Variants in ESF1 observed in about 807,000 individuals in gnomAD.
ESF1 encodes ESF1 homolog.
A neutral mutation model predicts 92.0 loss-of-function variants in ESF1; 58 were observed. That is an observed-to-expected ratio of 0.63 (90% CI 0.51 to 0.78). The LOEUF is 0.78. ESF1 is among the 30% of genes least tolerant of loss of function. The probability of loss-of-function intolerance (pLI) is 0.00; values close to 1 mark genes in which losing one functional copy is unlikely to be tolerated. For missense variants in ESF1, 922 were observed against 989.1 expected, an observed-to-expected ratio of 0.93 and a Z score of 0.91; for synonymous variants, 321 against 313.7, an observed-to-expected ratio of 1.02 and a Z score of -0.24.
chr20:13,775,172 T>G lies in ESF1; in HGVS notation c.1134A>C (p.Val378=). Residue 378 remains valine, a synonymous_variant, in exon 4 of 14, where the codon GTA becomes GTC. Coordinates refer to ENST00000617257, the MANE Select transcript of ESF1 (RefSeq NM_001276380.2). ...CAATTCTCACCTTGACGGAAAATAT[T>G]ACACCTCCTTTGGGTTTAAATGAAT... ...LFNSFKPKGG[V]IFSVKIYPSE... is the part of the protein sequence containing the mutation. 11 of 1,598,932 alleles carry G rather than the reference T, an allele frequency of 6.9e-6. No homozygotes were observed. The highest frequency in any genetic ancestry group is 9.4e-6 in the Non-Finnish European group (11 of 1,173,978).
chr20:13,776,532 C>G (rs1979950821), intron 2 of ESF1, among the ~76,000 whole-genome samples: 1 of 152,112 alleles, frequency 6.6e-6, no homozygotes. Flanking sequence ...GCAAGTAGAT[C>G]CAGACATTCA....
intron 9 of ESF1, among the ~76,000 whole-genome samples, chr20:13,740,514 G>C (rs1252309704): frequency 6.6e-6 from 1 of 152,164 alleles, no homozygotes; most frequent in Non-Finnish European, 1.5e-5. Context: ...TGAGTTATCA[G>C]ATTCAGAGTT....
chr20:13,737,396 C>G (rs2049981765), intron 9 of ESF1, among the ~76,000 whole-genome samples: 1 of 152,200 alleles, frequency 6.6e-6, no homozygotes, highest in Non-Finnish European at 1.5e-5. Flanking sequence ...AGTATACATT[C>G]TGCCTACCTT....
At chr20:13,744,054 G>T (rs2050032213) in intron 9 of ESF1, among the ~76,000 whole-genome samples, 2 of 152,156 alleles carry the variant, frequency 1.3e-5, no homozygotes, top group Admixed American at 1.3e-4. Context: ...CGTAGTGGGT[G>T]GTGGGTTCAC....
chr20:13,781,292 G>A (rs1008951214), intron 2 of ESF1, among the ~76,000 whole-genome samples: 1 of 152,126 alleles, frequency 6.6e-6, no homozygotes, highest in Admixed American at 6.5e-5. Context: ...AGTATGAAAT[G>A]AGTAGAAAAT....
At chr20:13,738,321 T>TG (rs1437693416) in intron 9 of ESF1, among the ~76,000 whole-genome samples, 3 of 151,240 alleles carry the variant, frequency 2.0e-5, no homozygotes, top group Non-Finnish European at 4.4e-5. Context: ...CCTAAACTTT[T>TG]TTTTTTTTTT....
In ESF1 at chr20:13,776,049, C is replaced by G; in HGVS notation, c.859G>C (p.Asp287His). 1 of 1,613,352 alleles carries G rather than the reference C, an allele frequency of 6.2e-7. No individual in the cohort carries two copies. The highest frequency in any genetic ancestry group is 2.2e-5 in the East Asian group (1 of 44,836). Residue 287 changes from aspartate to histidine, a missense_variant, in exon 3 of 14, where the codon GAT becomes CAT. By Grantham distance (81) the Asp-to-His change is moderately conservative. Coordinates refer to ENST00000617257, the MANE Select transcript of ESF1 (RefSeq NM_001276380.2). ...EEDEDEEEDEDEDSEDDDKSD... is the reference protein window; with the variant it reads ...EEDEDEEEDEHEDSEDDDKSD... Reference sequence around the variant, plus strand: ...TTATCATCATCCTCACTATCCTCATCTTCATCCTCCTCTTCATCTTCATCC... The same window carrying G: ...TTATCATCATCCTCACTATCCTCATGTTCATCCTCCTCTTCATCTTCATCC...
rs2049811297 is a variant in ESF1, at chr20:13,714,807, T to G, written c.*67A>C. Reference sequence around the variant, plus strand: ...AAGATAGCTTTGTTCCCAATAAATATTCCCTCCTATTATTTTTGTACATTT... The same window carrying G: ...AAGATAGCTTTGTTCCCAATAAATAGTCCCTCCTATTATTTTTGTACATTT... On this transcript the variant is annotated 3_prime_UTR_variant, in exon 14 of 14. Coordinates refer to ENST00000617257, the MANE Select transcript of ESF1 (RefSeq NM_001276380.2). The G allele has an allele frequency of 1.6e-6, 2 of 1,268,462 alleles. No homozygotes were observed. The highest frequency in any genetic ancestry group is 1.5e-5 in the African/African-American group (1 of 66,584). 78.6% of individuals were successfully genotyped at this position (1,268,462 alleles called of 1,614,324 possible).
At chr20:13,748,609 A>C (rs1252461289) in intron 9 of ESF1, among the ~76,000 whole-genome samples, 1 of 127,424 alleles carries the variant, frequency 7.8e-6, no homozygotes, top group East Asian at 2.1e-4. Context: ...TTTTTTTGAG[A>C]TGGAGTGTTG....
At chr20:13,779,539 T>TGG in intron 2 of ESF1, among the ~76,000 whole-genome samples, 1 of 152,254 alleles carries the variant, frequency 6.6e-6, no homozygotes, top group Admixed American at 6.5e-5. Context: ...TTTTAATTTC[T>TGG]ATTTTCATTT....
At chr20:13,737,455 C>T (rs1403504201) in intron 9 of ESF1, among the ~76,000 whole-genome samples, 1 of 152,160 alleles carries the variant, frequency 6.6e-6, no homozygotes, top group African/African-American at 2.4e-5. Flanking sequence ...AGATGAACAA[C>T]TTAAAATAAC....
chr20:13,760,528 C>T (rs534396115), intron 8 of ESF1, among the ~76,000 whole-genome samples: 1 of 151,466 alleles, frequency 6.6e-6, no homozygotes, highest in Non-Finnish European at 1.5e-5. Context: ...GCAGCCACCC[C>T]GTCTGAGAAG....
chr20:13,714,936 T>C lies in ESF1; in HGVS notation c.2494A>G (p.Ile832Val), dbSNP rs762408848. 1.9e-6 allele frequency: 3 copies of C among 1,613,766 alleles called. No homozygotes were observed. The highest frequency in any genetic ancestry group is 2.2e-5 in the South Asian group (2 of 91,002). The change falls in exon 14 of 14, where the codon ATT becomes GTT. Residue 832 changes from isoleucine to valine, a missense_variant. Coordinates refer to ENST00000617257, the MANE Select transcript of ESF1 (RefSeq NM_001276380.2). ...TCTGTTTTGGTTTTTATAGATTTAATCAACATTGACAAAGCAGGATCAATG... is the reference window on the plus strand; with the variant it reads ...TCTGTTTTGGTTTTTATAGATTTAACCAACATTGACAAAGCAGGATCAATG... Reference protein sequence around the residue: ...KSIDPALSMLIKSIKTKTEQF... With the variant: ...KSIDPALSMLVKSIKTKTEQF...
chr20:13,778,070 A>G (rs1980022491), intron 2 of ESF1, among the ~76,000 whole-genome samples: 1 of 152,180 alleles, frequency 6.6e-6, no homozygotes, highest in Admixed American at 6.5e-5. Context: ...TATGTTCTCA[A>G]TCACCATACA....
chr20:13,761,001 T>C (rs1979169536), intron 8 of ESF1, among the ~76,000 whole-genome samples: 2 of 152,134 alleles, frequency 1.3e-5, no homozygotes, highest in Non-Finnish European at 2.9e-5. Flanking sequence ...TAGAAAGAAG[T>C]AGACATGGGA....
Position 13,769,943 on chromosome 20 carries a change from T to C in ESF1, c.1482A>G (p.Pro494=). 1 of 1,611,958 alleles carries C rather than the reference T, an allele frequency of 6.2e-7. No homozygotes were observed. The highest frequency in any genetic ancestry group is 8.5e-7 in the Non-Finnish European group (1 of 1,179,342). The change falls in exon 7 of 14, where the codon CCA becomes CCG. Residue 494 remains proline, a synonymous_variant. Coordinates refer to ENST00000617257, the MANE Select transcript of ESF1 (RefSeq NM_001276380.2). The stretch of plus-strand genomic sequence containing the variant: ...CCATTGCAGCAGAAGTGAAATATTT[T>C]GGTTTATATGCTGTTAAATTCACTT... ...ASEVNLTAYK[P]KYFTSAAMGT...
intron 5 of ESF1, 111 bp from the exon 6 acceptor site, chr20:13,771,594 C>A: frequency 1.2e-6 from 1 of 804,044 alleles, no homozygotes; most frequent in Non-Finnish European, 2.0e-6. Flanking sequence ...GGCCTTCATA[C>A]CAAACCATCT....
At chr20:13,716,792 C>A (rs1306090085) in intron 13 of ESF1, among the ~76,000 whole-genome samples, 1 of 123,772 alleles carries the variant, frequency 8.1e-6, no homozygotes, top group South Asian at 2.9e-4. Context: ...AGGTGTGCGC[C>A]ACTATACCTG....
At chr20:13,762,380 C>T (rs1297573015) in intron 8 of ESF1, among the ~76,000 whole-genome samples, 1 of 152,140 alleles carries the variant, frequency 6.6e-6, no homozygotes, top group Non-Finnish European at 1.5e-5. Flanking sequence ...ATGGATAAAA[C>T]ATCAGGAACA....
Sources: allele counts gnomAD v4.1 joint callset (sites outside exome capture counted in the v4.1 genomes callset), GRCh38; gene constraint gnomAD v4.1.1; transcripts MANE v1.5; gene names NCBI Gene and HGNC (gene_info 2026-07-23, HGNC 2026-07-21).